Variants in ABI3BP observed in about 807,000 individuals in gnomAD.
The protein encoded by ABI3BP is ABI family member 3 binding protein.
Under a neutral mutation model 268.6 loss-of-function variants are expected in ABI3BP, and 216 were observed. The ratio of observed to expected loss-of-function variants is 0.80; its 90% CI spans 0.72 to 0.90. ABI3BP has a LOEUF of 0.90. Ranked by LOEUF, ABI3BP falls within the 40% of genes least tolerant of loss-of-function variation. ABI3BP has a pLI of 0.00. For synonymous variants in ABI3BP, 730 were observed against 730.0 expected, an observed-to-expected ratio of 1.00 and a Z score of 0.00; for missense variants, 2,090 against 2,182.4, an observed-to-expected ratio of 0.96 and a Z score of 0.84.
At chr3:100,839,730 G>T in intron 23 of ABI3BP, 114 bp from the exon 24 acceptor site, 1 of 1,173,902 alleles carries the variant, frequency 8.5e-7, no homozygotes, top group Non-Finnish European at 1.2e-6. Flanking sequence ...TTCTGAATGT[G>T]ATTTTCCCTT....
intron 4 of ABI3BP, among the ~76,000 whole-genome samples, chr3:100,893,400 C>G (rs1490101821): frequency 1.3e-5 from 2 of 152,088 alleles, no homozygotes; most frequent in Non-Finnish European, 2.9e-5. Flanking sequence ...GTATATACAT[C>G]TCTCCTATTA....
At chr3:100,757,272 A>C (rs1361777318) in intron 63 of ABI3BP, among the ~76,000 whole-genome samples, 1 of 152,054 alleles carries the variant, frequency 6.6e-6, no homozygotes, top group Non-Finnish European at 1.5e-5. Flanking sequence ...ACTGAAAGAC[A>C]AGAGTTTCCA....
rs542919278 is a variant in ABI3BP, at chr3:100,767,489, G to A, written c.4742-1540C>T. 5.9e-4 allele frequency among the ~76,000 whole-genome samples: 89 copies of A among 151,948 alleles called. 1 individual carries two copies. The South Asian group carries it at 0.018, about 31-fold the overall frequency. ...CGAACGGACTGGAAAGGGAGAGGAA[G>A]GGAGAGAATTCTGAATTAAAATCTG... On this transcript the variant is annotated intron_variant, in intron 62 of 67. Coordinates refer to ENST00000471714, the MANE Select transcript of ABI3BP (RefSeq NM_001375547.2).
rs2044876911 is a variant in ABI3BP, at chr3:100,891,927, A to G, written c.462-5604T>C. ...AGGCAGAATGGAAAGCACACAGCATAGAGCTGGGGCTGGGTGTGGCACTAT... is the reference window on the plus strand; with the variant it reads ...AGGCAGAATGGAAAGCACACAGCATGGAGCTGGGGCTGGGTGTGGCACTAT... On this transcript the variant is annotated intron_variant, in intron 4 of 67. Coordinates refer to ENST00000471714, the MANE Select transcript of ABI3BP (RefSeq NM_001375547.2). Among the ~76,000 whole-genome samples, 4 of 152,358 alleles carry G rather than the reference A, an allele frequency of 2.6e-5. No individual in the cohort carries two copies. In the South Asian group the frequency reaches 8.3e-4, roughly 32 times the overall value.
chr3:100,891,125 T>C (rs1037667677), intron 4 of ABI3BP, among the ~76,000 whole-genome samples: 1 of 152,150 alleles, frequency 6.6e-6, no homozygotes, highest in Admixed American at 6.5e-5. Flanking sequence ...CTAACCACAT[T>C]TTCCTAACTC....
At chr3:100,826,241 T>G (rs1173277264) in intron 34 of ABI3BP, among the ~76,000 whole-genome samples, 1 of 152,188 alleles carries the variant, frequency 6.6e-6, no homozygotes, top group African/African-American at 2.4e-5. Context: ...GCAGACACAT[T>G]GATCTTGGAC....
chr3:100,856,665 A>G (rs113202028), intron 14 of ABI3BP, among the ~76,000 whole-genome samples: 7 of 152,002 alleles, frequency 4.6e-5, no homozygotes, highest in Admixed American at 2.0e-4. Flanking sequence ...TGCTTTTGAA[A>G]CTCTCCTGGT....
At chr3:100,968,216 G>T (rs1233478914) in intron 1 of ABI3BP, among the ~76,000 whole-genome samples, 2 of 152,038 alleles carry the variant, frequency 1.3e-5, no homozygotes, top group African/African-American at 4.8e-5. Flanking sequence ...AACAAATCCT[G>T]AATGATCCAT....
intron 58 of ABI3BP, chr3:100,778,603 T>C (rs552018001): frequency 3.1e-5 from 16 of 513,580 alleles, no homozygotes; most frequent in African/African-American, 2.3e-4. Context: ...ATAGAAAACA[T>C]GTCCTCATTA....
chr3:100,768,986 G>T (rs2096443403), intron 62 of ABI3BP, among the ~76,000 whole-genome samples: 1 of 152,208 alleles, frequency 6.6e-6, no homozygotes, highest in South Asian at 2.1e-4. Flanking sequence ...TCAACTCAAA[G>T]AAAGAAGCCA....
intron 63 of ABI3BP, among the ~76,000 whole-genome samples, chr3:100,756,479 G>A (rs1351461845): frequency 6.6e-6 from 1 of 152,074 alleles, no homozygotes; most frequent in Non-Finnish European, 1.5e-5. Flanking sequence ...CACACATGGG[G>A]TATTTTCACA....
chr3:100,853,992 T>A (rs1436516900), intron 14 of ABI3BP, among the ~76,000 whole-genome samples: 1 of 152,160 alleles, frequency 6.6e-6, no homozygotes, highest in African/African-American at 2.4e-5. Context: ...TGTTGTTTGG[T>A]CAGCTTTAAG....
chr3:100,965,587 T>C (rs886753275), intron 1 of ABI3BP, among the ~76,000 whole-genome samples: 1 of 152,102 alleles, frequency 6.6e-6, no homozygotes, highest in Non-Finnish European at 1.5e-5. Flanking sequence ...TATACATCAT[T>C]AATTTAAAAT....
intron 44 of ABI3BP, 125 bp from the exon 45 acceptor site, chr3:100,813,860 C>G: frequency 1.3e-6 from 1 of 755,482 alleles, no homozygotes; most frequent in Non-Finnish European, 2.2e-6. Flanking sequence ...GAGAGCCATA[C>G]AGAATGTGCC....
intron 1 of ABI3BP, among the ~76,000 whole-genome samples, chr3:100,945,304 A>G (rs1401871748): frequency 2.0e-5 from 3 of 152,214 alleles, no homozygotes; most frequent in Non-Finnish European, 4.4e-5. Context: ...ACTGTCACAT[A>G]TAATTTTTAA....
At chr3:100,882,151 TA>T (rs2039609704) in intron 6 of ABI3BP, among the ~76,000 whole-genome samples, 10 of 152,060 alleles carry the variant, frequency 6.6e-5, no homozygotes, top group Non-Finnish European at 1.5e-5. Context: ...TTCATATGAA[TA>T]AAAAAAGTTT....
At chr3:100,902,592 A>G in intron 3 of ABI3BP, 26 bp downstream of exon 3, 1 of 1,609,526 alleles carries the variant, frequency 6.2e-7, no homozygotes, top group Non-Finnish European at 8.5e-7. Context: ...CATAAAAGAA[A>G]AAGAATTCAA....
At chr3:100,902,909 G>A (rs1051521381) in intron 2 of ABI3BP, among the ~76,000 whole-genome samples, 1 of 152,186 alleles carries the variant, frequency 6.6e-6, no homozygotes, top group Non-Finnish European at 1.5e-5. Context: ...GGGCAAGGGT[G>A]AGGGAGAAGT....
chr3:100,968,383 A>G (rs546362287), intron 1 of ABI3BP, among the ~76,000 whole-genome samples: 7 of 152,344 alleles, frequency 4.6e-5, no homozygotes, highest in African/African-American at 1.7e-4. Context: ...CTCTTGCATA[A>G]TAAGAAATGT....
Sources: allele counts gnomAD v4.1 joint callset (sites outside exome capture counted in the v4.1 genomes callset), GRCh38; gene constraint gnomAD v4.1.1; transcripts MANE v1.5; gene names NCBI Gene and HGNC (gene_info 2026-07-23, HGNC 2026-07-21).